The following SAGE1 variants were observed in gnomAD, a reference collection of about 807,000 sequenced individuals.
The protein encoded by SAGE1 is sarcoma antigen 1, also known as cancer/testis antigen 14.
A neutral mutation model predicts 55.4 loss-of-function variants in SAGE1; 55 were observed. The ratio of observed to expected loss-of-function variants is 0.99; its 90% CI spans 0.80 to 1.24. The LOEUF (loss-of-function observed/expected upper bound fraction) is 1.24. SAGE1 is among the 50% of genes most tolerant of loss of function. SAGE1 has a pLI of 0.00. For synonymous variants in SAGE1, 240 were observed against 244.3 expected, an observed-to-expected ratio of 0.98 and a Z score of 0.17; for missense variants, 710 against 704.4, an observed-to-expected ratio of 1.01 and a Z score of -0.09.
chrX:135,911,786 C>A lies in SAGE1; in HGVS notation c.2354C>A (p.Ala785Glu). 1 of 1,210,032 alleles carries A rather than the reference C, an allele frequency of 8.3e-7. No homozygotes were observed. Among genetic ancestry groups the A allele is most frequent in the African/African-American group, 1.7e-5 (1 of 57,735 alleles). Reference sequence around the variant, plus strand: ...TACAAACCTGATAGTAATGAATTTGCGGTAGGCACCAAAAACTACAGTGTC... The same window carrying A: ...TACAAACCTGATAGTAATGAATTTGAGGTAGGCACCAAAAACTACAGTGTC... ...LLYKPDSNEFAVGTKNYSVSA... is the reference protein window; with the variant it reads ...LLYKPDSNEFEVGTKNYSVSA... Residue 785 changes from alanine to glutamate, a missense_variant, in exon 18 of 20, where the codon GCG (alanine) becomes GAG (glutamate). Physicochemically the swap from Ala to Glu is moderately radical, Grantham distance 107. Transcript: ENST00000370709.
intron 18 of SAGE1, 164 bp from the exon 19 acceptor site, chrX:135,912,157 A>C: frequency 1.2e-5 from 9 of 749,838 alleles, no homozygotes; most frequent in Non-Finnish European, 1.4e-5. Flanking sequence ...TGTTCACAAT[A>C]GTTTCCTTAG....
In SAGE1 at chrX:135,907,414, A is replaced by G; in HGVS notation, c.979A>G (p.Thr327Ala). ...STVQPVIIYL[T>A]ATGIPGMNTR... ...TGTTCAACCAGTGATTATTTATTTG[A>G]CAGCAACTGGTATTCCGGGCATGAA... Residue 327 changes from threonine (T) to alanine (A), a missense_variant, in exon 9 of 20, where the codon ACA becomes GCA. Thr to Ala is a moderately conservative substitution (Grantham distance 58). Coordinates refer to ENST00000370709, the MANE Select transcript of SAGE1 (RefSeq NM_001381902.1). The G allele has an allele frequency of 8.3e-7, 1 of 1,208,696 alleles. No homozygotes were observed. Among genetic ancestry groups the G allele is most frequent in the Non-Finnish European group, 1.1e-6 (1 of 892,986 alleles).
chrX:135,904,398 C>A, intron 3 of SAGE1, 79 bp from the exon 4 acceptor site: 1 of 584,728 alleles, frequency 1.7e-6, no homozygotes, highest in Non-Finnish European at 2.9e-6. Context: ...TTCCTAGATA[C>A]TGAGCATCAG....
Position 135,909,620 on chromosome X carries a change from C to G in SAGE1, c.1583-19C>G. The stretch of plus-strand genomic sequence containing the variant: ...TAATGCACTTACGTCACAAGTCAAC[C>G]TCTTTATTTGGTTTCCAGATGCTAC... On this transcript the variant is annotated intron_variant, in intron 13 of 19. Transcript: ENST00000370709. 1.7e-6 allele frequency: 2 copies of G among 1,184,549 alleles called. No individual in the cohort carries two copies. Among genetic ancestry groups the G allele is most frequent in the Non-Finnish European group, 2.3e-6 (2 of 881,433 alleles).
Position 135,906,092 on chromosome X carries a change from T to C in SAGE1, c.523T>C (p.Leu175=), listed in dbSNP as rs371998107. 23 of 1,205,145 alleles carry C rather than the reference T, an allele frequency of 1.9e-5. No individual in the cohort carries two copies. In the African/African-American group the frequency reaches 3.7e-4, roughly 19 times the overall value. The change falls in exon 6 of 20, where the codon TTG becomes CTG. Residue 175 remains leucine, a synonymous_variant. Coordinates refer to ENST00000370709, the MANE Select transcript of SAGE1 (RefSeq NM_001381902.1). Reference sequence around the variant, plus strand: ...TGGCCAACCCCAACCTGATAACGTCTTGTCAACTGGTCCCACAGGGCTTAT... The same window carrying C: ...TGGCCAACCCCAACCTGATAACGTCCTGTCAACTGGTCCCACAGGGCTTAT... ...ENGQPQPDNV[L]STGPTGLINM...
In SAGE1 at chrX:135,909,749, G is replaced by A. The variant is rs2088860874; in HGVS notation, c.1693G>A (p.Gly565Ser). 1 of 1,202,946 alleles carries A rather than the reference G, an allele frequency of 8.3e-7. No individual in the cohort carries two copies. The highest frequency in any genetic ancestry group is 1.1e-6 in the Non-Finnish European group (1 of 891,351). The change falls in exon 14 of 20, where the codon GGT (glycine) becomes AGT (serine). Residue 565 changes from glycine (G) to serine (S), a missense_variant. Physicochemically the swap from Gly to Ser is moderately conservative, Grantham distance 56. Coordinates refer to ENST00000370709, the MANE Select transcript of SAGE1 (RefSeq NM_001381902.1). Reference protein sequence around the residue: ...LPGLTYLTVAGIPAMSTRDQY... With the variant: ...LPGLTYLTVASIPAMSTRDQY... ...AGGACTTACTTATTTGACAGTAGCT[G>A]GTATTCCGGCCATGAGTACCAGGGA... is the stretch of plus-strand genomic sequence containing the variant.
rs376257661 is a variant in SAGE1, at chrX:135,911,335, A to G, written c.2146+3A>G. The G allele has an allele frequency of 3.3e-6, 4 of 1,204,325 alleles. No homozygotes were observed. The highest frequency in any genetic ancestry group is 4.5e-6 in the Non-Finnish European group (4 of 890,218). Reference sequence around the variant, plus strand: ...ATGCAGAAGTACCAGGGATCTGTGTATGTTTGTGTATTGGTTGTACTGTCC... The same window carrying G: ...ATGCAGAAGTACCAGGGATCTGTGTGTGTTTGTGTATTGGTTGTACTGTCC... On this transcript the variant is annotated splice_donor_region_variant and intron_variant, in intron 17 of 19. Transcript: ENST00000370709.
At chrX:135,906,620 CA>C in intron 7 of SAGE1, 69 bp downstream of exon 7, 1 of 830,589 alleles carries the variant, frequency 1.2e-6, no homozygotes, top group East Asian at 3.5e-5. Flanking sequence ...AAAAAGCATA[CA>C]AGGTGGTTTT....
In SAGE1 at chrX:135,908,215, G is replaced by T; in HGVS notation, c.1286G>T (p.Ser429Ile). 8.3e-7 allele frequency: 1 copy of T among 1,206,931 alleles called. No individual in the cohort carries two copies. Among genetic ancestry groups the T allele is most frequent in the Non-Finnish European group, 1.1e-6 (1 of 891,385 alleles). The change falls in exon 11 of 20, where the codon AGT becomes ATT. Residue 429 changes from serine to isoleucine, a missense_variant. Ser to Ile is a moderately radical substitution (Grantham distance 142). Transcript: ENST00000370709. Reference protein sequence around the residue: ...NLAGAGIPPMSTRDQYATVNH... With the variant: ...NLAGAGIPPMITRDQYATVNH... ...GCAGGAGCTGGTATTCCACCCATGAGTACCAGGGATCAGTGTATGTTTGCT... is the reference window on the plus strand; with the variant it reads ...GCAGGAGCTGGTATTCCACCCATGATTACCAGGGATCAGTGTATGTTTGCT...
intron 3 of SAGE1, among the ~76,000 whole-genome samples, chrX:135,903,218 C>T (rs1375269367): frequency 8.9e-6 from 1 of 112,739 alleles, no homozygotes; most frequent in Non-Finnish European, 1.9e-5. Context: ...CCCTCTGCCT[C>T]TGCACAGGAG....
chrX:135,896,186 G>A, intron 1 of SAGE1, 57 bp from the exon 2 acceptor site: 1 of 869,542 alleles, frequency 1.2e-6, no homozygotes. Flanking sequence ...TTACGTTCCA[G>A]TTATAAATCA....
intron 2 of SAGE1, among the ~76,000 whole-genome samples, chrX:135,897,996 G>A (rs1366995029): frequency 1.8e-5 from 2 of 112,128 alleles, no homozygotes; most frequent in African/African-American, 3.2e-5. Context: ...TTCTGCAAAG[G>A]ACATGATCTC....
In SAGE1 at chrX:135,912,999, T is replaced by G; in HGVS notation, c.*102T>G. ...TAATCCTGAAATGAAGAGAATTCCC[T>G]TCCAGAAGCTACGAAAAAGGGAGCT... On this transcript the variant is annotated 3_prime_UTR_variant, in exon 20 of 20. Transcript: ENST00000370709. 1 of 526,127 alleles carries G rather than the reference T, an allele frequency of 1.9e-6. No homozygotes were observed. The highest frequency in any genetic ancestry group is 2.4e-5 in the African/African-American group (1 of 42,437). The allele number at this position is 526,127 out of a possible 1,213,427, so 43.4% of individuals were successfully genotyped here.
rs781920004 is a variant in SAGE1, at chrX:135,911,841, G to A, written c.2409G>A (p.Met803Ile). ...CAGGTGACCCACCAGTTACAGTAAT[G>A]TCTTTGGTGGAAACTGTGCCAAATA... ...VSAGDPPVTV[M>I]SLVETVPNTP... The change falls in exon 18 of 20, where the codon ATG (methionine) becomes ATA (isoleucine). Residue 803 changes from methionine to isoleucine, a missense_variant. Physicochemically the swap from Met to Ile is conservative, Grantham distance 10. Transcript: ENST00000370709. The A allele has an allele frequency of 2.5e-5, 30 of 1,209,494 alleles. No homozygotes were observed. Among genetic ancestry groups the A allele is most frequent in the Non-Finnish European group, 3.2e-5 (29 of 894,450 alleles).
At chrX:135,896,880 A>G (rs1257263191) in intron 2 of SAGE1, among the ~76,000 whole-genome samples, 3 of 111,654 alleles carry the variant, frequency 2.7e-5, no homozygotes, top group African/African-American at 9.8e-5. Flanking sequence ...TTTAATTATC[A>G]CATTTAATGC....
In SAGE1 at chrX:135,911,909, A is replaced by C. The variant is rs782069580; in HGVS notation, c.2477A>C (p.Asp826Ala). Residue 826 changes from aspartate to alanine, a missense_variant, in exon 18 of 20, where the codon GAT becomes GCT. Transcript: ENST00000370709. ...GCCATGGCAAAGAAAATTAATGATGATATAAAATATCAATTAATGAAAGAA... is the reference window on the plus strand; with the variant it reads ...GCCATGGCAAAGAAAATTAATGATGCTATAAAATATCAATTAATGAAAGAA... ...SPAMAKKIND[D>A]IKYQLMKEVR... The C allele has an allele frequency of 8.5e-5, 103 of 1,208,467 alleles. No individual in the cohort carries two copies. The highest frequency in any genetic ancestry group is 2.4e-4 in the Middle Eastern group (1 of 4,239).
intron 2 of SAGE1, among the ~76,000 whole-genome samples, chrX:135,896,855 G>A (rs1411179819): frequency 1.8e-5 from 2 of 111,224 alleles, no homozygotes; most frequent in African/African-American, 6.5e-5. Flanking sequence ...CACCGCACCT[G>A]GCCGAACTGA....
intron 13 of SAGE1, 38 bp from the exon 14 acceptor site, chrX:135,909,601 A>T (rs1556604866): frequency 8.7e-7 from 1 of 1,152,508 alleles, no homozygotes; most frequent in South Asian, 2.1e-5. Context: ...GACATAATGC[A>T]CTTACGTCAC....
At chrX:135,896,470 A>C (rs1456896380) in intron 2 of SAGE1, 141 bp downstream of exon 2, 1 of 413,185 alleles carries the variant, frequency 2.4e-6, no homozygotes, top group Non-Finnish European at 4.1e-6. Flanking sequence ...TCTTATGTGA[A>C]CATAAAATGG....
Sources: gnomAD v4.1 joint callset for allele counts (sites outside exome capture counted in the v4.1 genomes callset) on GRCh38, gnomAD v4.1.1 for gene constraint, MANE v1.5 for transcripts, NCBI Gene and HGNC (gene_info 2026-07-23, HGNC 2026-07-21) for gene names.